TMEM8B: variants seen among roughly 807,000 people sequenced by gnomAD.
TMEM8B encodes the protein nasopharyngeal carcinoma expressed 6.
A neutral mutation model predicts 49.3 loss-of-function variants in TMEM8B; 29 were observed. The ratio of observed to expected loss-of-function variants is 0.59; its 90% CI spans 0.44 to 0.80. The LOEUF is 0.80. Ranked by LOEUF, TMEM8B falls within the 30% of genes least tolerant of loss-of-function variation. The probability of loss-of-function intolerance (pLI) is 0.00; values close to 1 mark genes in which losing one functional copy is unlikely to be tolerated. For missense variants in TMEM8B, 575 were observed against 658.5 expected (o/e 0.87, Z 1.39); for synonymous variants, 264 against 272.8 (o/e 0.97, Z 0.32).
In TMEM8B at chr9:35,829,472, C is replaced by G. The variant is rs1204431944; in HGVS notation, c.25C>G (p.Leu9Val). 8.1e-6 allele frequency: 3 copies of G among 368,970 alleles called. No individual in the cohort carries two copies. The allele number at this position is 368,970 out of a possible 1,614,324, so 22.9% of individuals were successfully genotyped here. A position where few individuals can be genotyped will look rare whatever the true frequency, so the allele number is the denominator to read the frequency against. MAQPLSRP[L>V]VLSQSPPWPP... ...CATGGCCCAGCCCTTGTCCCGGCCC[C>G]TCGTCCTATCCCAATCCCCGCCTTG... The change falls in exon 1 of 13, where the codon CTC (leucine) becomes GTC (valine). Residue 9 changes from leucine (L) to valine (V), a missense_variant. Physicochemically the swap from Leu to Val is conservative, Grantham distance 32. Transcript: ENST00000643932.
Position 35,853,643 on chromosome 9 carries a change from T to C in TMEM8B, c.2578T>C (p.Tyr860His). ...AFVETRDNYF[Y>H]IHSIWHMLIA... ...TGTGGAGACCCGGGACAACTACTTC[T>C]ACATTCACAGCATTTGGCATATGCT... The change falls in exon 13 of 13, where the codon TAC becomes CAC. Residue 860 changes from tyrosine (Y) to histidine (H), a missense_variant. Physicochemically the swap from Tyr to His is moderately conservative, Grantham distance 83. Transcript: ENST00000643932. The surrounding 1 kb of genome is among the most constrained non-coding windows in gnomAD (Gnocchi z 4.2). 6.2e-7 allele frequency: 1 copy of C among 1,614,224 alleles called. No individual in the cohort carries two copies. Among genetic ancestry groups the C allele is most frequent in the Non-Finnish European group, 8.5e-7 (1 of 1,180,038 alleles).
chr9:35,834,436 C>A, intron 1 of TMEM8B, 25 bp from the exon 2 acceptor site: 1 of 414,112 alleles, frequency 2.4e-6, no homozygotes, highest in South Asian at 1.3e-4. Flanking sequence ...CTGCCCTGCT[C>A]CTTTCTCTCT....
chr9:35,836,040 G>A (rs1006519305), intron 3 of TMEM8B, among the ~76,000 whole-genome samples: 1 of 152,214 alleles, frequency 6.6e-6, no homozygotes, highest in African/African-American at 2.4e-5. Context: ...TGTGGTGAGG[G>A]TGAAGAAACG....
At chr9:35,846,638 T>G (rs766227176) in intron 9 of TMEM8B, 27 bp downstream of exon 9, 3 of 1,570,724 alleles carry the variant, frequency 1.9e-6, no homozygotes, top group Non-Finnish European at 2.6e-6. Context: ...GGGAGCGGGC[T>G]GCGGTGGACT....
rs1646896077 is a variant in TMEM8B, at chr9:35,842,362, G to C, written c.1310-30G>C. 20 of 1,463,944 alleles carry C rather than the reference G, an allele frequency of 1.4e-5. No homozygotes were observed. The Middle Eastern group carries it at 1.6e-3, about 119-fold the overall frequency. 90.7% of individuals were successfully genotyped at this position (1,463,944 alleles called of 1,614,324 possible). On this transcript the variant is annotated intron_variant, in intron 5 of 12. Coordinates refer to ENST00000643932, the MANE Select transcript of TMEM8B (RefSeq NM_001042590.4). The surrounding 1 kb of genome is among the most constrained non-coding windows in gnomAD (Gnocchi z 5.6). ...AAGTTCAGGACTGTAAAGGCTGCAG[G>C]CCCAAGCTCTGGTTTCCTCTGCCCC...
At chr9:35,848,703 C>T (rs1831862571) in intron 10 of TMEM8B, among the ~76,000 whole-genome samples, 1 of 133,488 alleles carries the variant, frequency 7.5e-6, no homozygotes, top group Non-Finnish European at 1.6e-5. Context: ...GAGACAGAGT[C>T]TTGCTGTGTT....
chr9:35,842,509 A>G lies in TMEM8B; in HGVS notation c.1427A>G (p.Glu476Gly), dbSNP rs1831119326. The G allele has an allele frequency of 6.2e-7, 1 of 1,611,700 alleles. No individual in the cohort carries two copies. Among genetic ancestry groups the G allele is most frequent in the Non-Finnish European group, 8.5e-7 (1 of 1,178,532 alleles). The change falls in exon 6 of 13, where the codon GAG (glutamate) becomes GGG (glycine). Residue 476 changes from glutamate (E) to glycine (G), a missense_variant. Glu to Gly is a moderately conservative substitution (Grantham distance 98). Coordinates refer to ENST00000643932, the MANE Select transcript of TMEM8B (RefSeq NM_001042590.4). The surrounding 1 kb of genome is among the most constrained non-coding windows in gnomAD (Gnocchi z 5.6). Reference sequence around the variant, plus strand: ...CCGCCATCCCTTGGAACCCCTGCGGAGGGGCCTGGGACCACGTCCCCACCC... The same window carrying G: ...CCGCCATCCCTTGGAACCCCTGCGGGGGGGCCTGGGACCACGTCCCCACCC... ...PEPPSLGTPA[E>G]GPGTTSPPEH...
chr9:35,865,333 G>A lies in TMEM8B; in HGVS notation c.*11493G>A, dbSNP rs1295719092. ...GTAAGGTGGGAGACACCGAGTACAG[G>A]CGAGGGACTTTATTAGGTCAGGGAT... On this transcript the variant is annotated 3_prime_UTR_variant, in exon 13 of 13. Coordinates refer to ENST00000643932, the MANE Select transcript of TMEM8B (RefSeq NM_001042590.4). The A allele has an allele frequency of 2.0e-5, 3 of 152,298 alleles. No individual in the cohort carries two copies. Among genetic ancestry groups the A allele is most frequent in the East Asian group, 3.9e-4 (2 of 5,184 alleles). 9.4% of individuals were successfully genotyped at this position (152,298 alleles called of 1,614,324 possible). A position where few individuals can be genotyped will look rare whatever the true frequency, so the allele number is the denominator to read the frequency against.
intron 3 of TMEM8B, among the ~76,000 whole-genome samples, chr9:35,837,794 C>T (rs922292512): frequency 1.3e-5 from 2 of 152,094 alleles, no homozygotes; most frequent in Non-Finnish European, 2.9e-5. Flanking sequence ...GTCTTGTCCC[C>T]GGCCTCCATC....
At position 35,860,450 on chromosome 9, in the gene TMEM8B, TAAGGA is replaced by T. The variant is rs1298140062; in HGVS notation, c.*6614_*6618del. The stretch of plus-strand genomic sequence containing the variant: ...GTATCAGGTGCTGGGGCTATAGCAG[TAAGGA>T]AAGTAAGTGGACAAAAGGATTCCAC... On this transcript the variant is annotated 3_prime_UTR_variant, in exon 13 of 13. Transcript: ENST00000643932. The T allele has an allele frequency of 1.3e-5, 2 of 152,200 alleles. No homozygotes were observed. The highest frequency in any genetic ancestry group is 2.9e-5 in the Non-Finnish European group (2 of 68,032). The allele number at this position is 152,200 out of a possible 1,614,324, so 9.4% of individuals were successfully genotyped here.
At chr9:35,830,315 T>C (rs1829740406) in intron 1 of TMEM8B, among the ~76,000 whole-genome samples, 1 of 152,142 alleles carries the variant, frequency 6.6e-6, no homozygotes, top group South Asian at 2.1e-4. Flanking sequence ...GCCCCTAGTG[T>C]AGTGTGGGAA....
At chr9:35,848,666 GT>G (rs1209345813) in intron 10 of TMEM8B, among the ~76,000 whole-genome samples, 4 of 139,190 alleles carry the variant, frequency 2.9e-5, no homozygotes, top group African/African-American at 1.0e-4. Flanking sequence ...TTCTTTCTTT[GT>G]TTTTTTTCTT....
Position 35,842,485 on chromosome 9 carries a change from C to A in TMEM8B, c.1403C>A (p.Pro468Gln), listed in dbSNP as rs959466989. Reference sequence around the variant, plus strand: ...GGCAACCAGCCACTGCCCCCAGAACCGCCATCCCTTGGAACCCCTGCGGAG... The same window carrying A: ...GGCAACCAGCCACTGCCCCCAGAACAGCCATCCCTTGGAACCCCTGCGGAG... ...SLGNQPLPPE[P>Q]PSLGTPAEGP... Residue 468 changes from proline to glutamine, a missense_variant, in exon 6 of 13, where the codon CCG becomes CAG. Physicochemically the swap from Pro to Gln is moderately conservative, Grantham distance 76. Transcript: ENST00000643932. The surrounding 1 kb of genome is among the most constrained non-coding windows in gnomAD (Gnocchi z 5.6). 1 of 1,602,138 alleles carries A rather than the reference C, an allele frequency of 6.2e-7. No homozygotes were observed. The highest frequency in any genetic ancestry group is 8.5e-7 in the Non-Finnish European group (1 of 1,171,970).
At position 35,853,568 on chromosome 9, in the gene TMEM8B, T is replaced by C. The variant is rs776283642; in HGVS notation, c.2503T>C (p.Leu835=). 1 of 1,614,234 alleles carries C rather than the reference T, an allele frequency of 6.2e-7. No homozygotes were observed. Among genetic ancestry groups the C allele is most frequent in the South Asian group, 1.1e-5 (1 of 91,090 alleles). ...PPTWRRWLFY[L]CPGSLIAGSA... ...CACGTGGCGCCGCTGGCTTTTCTAC[T>C]TGTGCCCTGGCAGCCTTATTGCAGG... Residue 835 remains leucine (L), a synonymous_variant, in exon 13 of 13, where the codon TTG becomes CTG. Transcript: ENST00000643932. This position sits in a 1 kb window ranked among gnomAD's most constrained non-coding sequence, Gnocchi z 4.2.
chr9:35,844,615 T>C (rs761144323), intron 6 of TMEM8B, among the ~76,000 whole-genome samples: 5 of 152,270 alleles, frequency 3.3e-5, no homozygotes, highest in Non-Finnish European at 5.9e-5. Context: ...AGACTGTATG[T>C]ATTTTGTGTT....
At chr9:35,830,109 T>C (rs745468698) in intron 1 of TMEM8B, among the ~76,000 whole-genome samples, 154 bp downstream of exon 1, 36 of 152,110 alleles carry the variant, frequency 2.4e-4, no homozygotes, top group African/African-American at 7.2e-5. Context: ...ACAACAGGGA[T>C]TGGCAGGGTC....
Position 35,859,224 on chromosome 9 carries a change from G to A in TMEM8B, c.*5384G>A, listed in dbSNP as rs1238545092. The A allele has an allele frequency of 6.4e-6, 1 of 155,460 alleles. No homozygotes were observed. Among genetic ancestry groups the A allele is most frequent in the African/African-American group, 2.4e-5 (1 of 41,538 alleles). 9.6% of individuals were successfully genotyped at this position (155,460 alleles called of 1,614,324 possible). ...GGCCTTGGGTTTGAAGTACATGAAG[G>A]AGATTGTCCCATAAAAAACCACCAC... On this transcript the variant is annotated 3_prime_UTR_variant, in exon 13 of 13. Coordinates refer to ENST00000643932, the MANE Select transcript of TMEM8B (RefSeq NM_001042590.4).
Position 35,864,311 on chromosome 9 carries a change from A to T in TMEM8B, c.*10471A>T, listed in dbSNP as rs539991319. 1 of 152,328 alleles carries T rather than the reference A, an allele frequency of 6.6e-6. No individual in the cohort carries two copies. The highest frequency in any genetic ancestry group is 1.9e-4 in the East Asian group (1 of 5,192). The allele number at this position is 152,328 out of a possible 1,614,324, so 9.4% of individuals were successfully genotyped here. On this transcript the variant is annotated 3_prime_UTR_variant, in exon 13 of 13. Transcript: ENST00000643932. ...TCATTGTCTGGTAAATCTAATTTTA[A>T]CCACTTAATACTTATTTTAGGCTTC...
rs546888004 is a variant in TMEM8B at position 35,862,342 on chromosome 9, G to A, written c.*8502G>A. 1 of 152,344 alleles carries A rather than the reference G, an allele frequency of 6.6e-6. No individual in the cohort carries two copies. The highest frequency in any genetic ancestry group is 1.9e-4 in the East Asian group (1 of 5,188). 9.4% of individuals were successfully genotyped at this position (152,344 alleles called of 1,614,324 possible). Reference sequence around the variant, plus strand: ...AAATCTGGAAAGCAGAACTATAAGAGCTTTGTTTCTGATGGGGGTGTTGCT... The same window carrying A: ...AAATCTGGAAAGCAGAACTATAAGAACTTTGTTTCTGATGGGGGTGTTGCT... On this transcript the variant is annotated 3_prime_UTR_variant, in exon 13 of 13. Transcript: ENST00000643932.
Sources: allele counts gnomAD v4.1 joint callset (sites outside exome capture counted in the v4.1 genomes callset), GRCh38; gene constraint gnomAD v4.1.1; non-coding constraint Gnocchi (gnomAD v3.1); transcripts MANE v1.5; gene names NCBI Gene and HGNC (gene_info 2026-07-23, HGNC 2026-07-21).